RNF4: variants seen among roughly 807,000 people sequenced by gnomAD.
RNF4 encodes the protein E3 ubiquitin-protein ligase RNF4.
In RNF4, 7 loss-of-function variants were observed where a neutral mutation model predicts 24.3. The ratio of observed to expected loss-of-function variants is 0.29; its 90% CI spans 0.16 to 0.54. The LOEUF (loss-of-function observed/expected upper bound fraction) is 0.54, where lower values mean the gene tolerates loss of function less well. RNF4 is among the 20% of genes least tolerant of loss of function. RNF4 has a pLI of 0.95. For synonymous variants in RNF4, 83 were observed against 84.3 expected, an observed-to-expected ratio of 0.98 and a Z score of 0.09; for missense variants, 209 against 248.5, an observed-to-expected ratio of 0.84 and a Z score of 1.07.
intron 1 of RNF4, among the ~76,000 whole-genome samples, chr4:2,478,455 A>G (rs572933879): frequency 6.6e-6 from 1 of 152,362 alleles, no homozygotes; most frequent in East Asian, 1.9e-4. Context: ...ATAGGCCCAG[A>G]TGCCCAGGAG....
Position 2,500,709 on chromosome 4 carries a change from G to A in RNF4, c.175G>A (p.Val59Ile). Reference protein sequence around the residue: ...LTCESLEPVVVDLTHNDSVVI... With the variant: ...LTCESLEPVVIDLTHNDSVVI... ...TTGTGAATCTTTAGAGCCTGTGGTG[G>A]TTGATCTGACTCACAATGACTCTGT... The change falls in exon 4 of 8, where the codon GTT becomes ATT. Residue 59 changes from valine (V) to isoleucine (I), a missense_variant. Coordinates refer to ENST00000314289, the MANE Select transcript of RNF4 (RefSeq NM_002938.5). 1 of 1,613,900 alleles carries A rather than the reference G, an allele frequency of 6.2e-7. No individual in the cohort carries two copies. The highest frequency in any genetic ancestry group is 8.5e-7 in the Non-Finnish European group (1 of 1,179,830).
At chr4:2,475,506 T>C (rs1221853788) in intron 1 of RNF4, among the ~76,000 whole-genome samples, 1 of 151,914 alleles carries the variant, frequency 6.6e-6, no homozygotes, top group Non-Finnish European at 1.5e-5. Context: ...GCCCAGCTAA[T>C]TTTTTGTATT....
Position 2,514,947 on chromosome 4 carries a change from G to A in RNF4, c.*1128G>A, listed in dbSNP as rs577191171. Reference sequence around the variant, plus strand: ...GACTGCTCCATAGGTTTTGACTGGTGAAACAGGGGCCCAGATGACAACCTC... The same window carrying A: ...GACTGCTCCATAGGTTTTGACTGGTAAAACAGGGGCCCAGATGACAACCTC... On this transcript the variant is annotated 3_prime_UTR_variant, in exon 8 of 8. Transcript: ENST00000314289. The A allele has an allele frequency of 4.6e-5, 7 of 152,514 alleles. No individual in the cohort carries two copies. Among genetic ancestry groups the A allele is most frequent in the South Asian group, 2.1e-4 (1 of 4,828 alleles). 9.4% of individuals were successfully genotyped at this position (152,514 alleles called of 1,614,324 possible). A position where few individuals can be genotyped will look rare whatever the true frequency, so the allele number is the denominator to read the frequency against.
intron 1 of RNF4, among the ~76,000 whole-genome samples, chr4:2,488,067 C>G (rs1735464237): frequency 6.6e-6 from 1 of 152,236 alleles, no homozygotes; most frequent in Non-Finnish European, 1.5e-5. Context: ...CACCCTTCTC[C>G]CCGCCCTAGA....
chr4:2,471,461 C>A, intron 1 of RNF4, among the ~76,000 whole-genome samples: 1 of 138,632 alleles, frequency 7.2e-6, no homozygotes, highest in East Asian at 2.0e-4. Flanking sequence ...GAAATTAGGC[C>A]AGTCAGTGAC....
chr4:2,483,855 A>G (rs1429621979), intron 1 of RNF4, among the ~76,000 whole-genome samples: 6 of 151,626 alleles, frequency 4.0e-5, no homozygotes, highest in Admixed American at 2.6e-4. Flanking sequence ...TTATTTTGAG[A>G]CTGAGTTTCA....
At chr4:2,513,010 G>C (rs1475784264) in intron 6 of RNF4, 73 bp from the exon 7 acceptor site, 1 of 1,409,534 alleles carries the variant, frequency 7.1e-7, no homozygotes, top group Non-Finnish European at 1.0e-6. Context: ...GGGGATAGGG[G>C]CCACTCACGT....
chr4:2,490,523 A>T (rs1025775502), intron 2 of RNF4, 21 bp downstream of exon 2: 5 of 1,607,984 alleles, frequency 3.1e-6, no homozygotes, highest in Non-Finnish European at 4.2e-6. Context: ...TCATCTCTTG[A>T]ATTTTTAATT....
At chr4:2,478,852 G>A (rs2108751960) in intron 1 of RNF4, among the ~76,000 whole-genome samples, 1 of 152,342 alleles carries the variant, frequency 6.6e-6, no homozygotes, top group East Asian at 1.9e-4. Context: ...TGGTAGAGCT[G>A]TGGGAAGAGG....
At chr4:2,508,201 A>G (rs1008667891) in intron 4 of RNF4, among the ~76,000 whole-genome samples, 3 of 152,150 alleles carry the variant, frequency 2.0e-5, no homozygotes, top group Non-Finnish European at 4.4e-5. Flanking sequence ...TAATTAAACT[A>G]TTCAGTTCAG....
At chr4:2,488,170 G>A (rs1238474259) in intron 1 of RNF4, among the ~76,000 whole-genome samples, 7 of 152,148 alleles carry the variant, frequency 4.6e-5, no homozygotes, top group African/African-American at 1.7e-4. Flanking sequence ...CTTTCTTAAA[G>A]CTGGGTGGGA....
intron 2 of RNF4, among the ~76,000 whole-genome samples, chr4:2,496,323 CAA>C (rs1735733804): frequency 6.6e-6 from 1 of 152,172 alleles, no homozygotes; most frequent in Non-Finnish European, 1.5e-5. Context: ...AGGCTGAACA[CAA>C]AGTCAAGGAA....
chr4:2,477,036 C>T (rs1050854006), intron 1 of RNF4, among the ~76,000 whole-genome samples: 2 of 152,008 alleles, frequency 1.3e-5, no homozygotes, highest in African/African-American at 4.8e-5. Flanking sequence ...CCCGCCTCAG[C>T]CTCCCAAAGT....
intron 1 of RNF4, among the ~76,000 whole-genome samples, chr4:2,470,785 G>A (rs1162810534): frequency 6.6e-6 from 1 of 151,392 alleles, no homozygotes; most frequent in Non-Finnish European, 1.5e-5. Context: ...AGGATGGAGG[G>A]AATAAGAGAT....
At chr4:2,477,719 C>T (rs546666033) in intron 1 of RNF4, among the ~76,000 whole-genome samples, 20 of 152,316 alleles carry the variant, frequency 1.3e-4, no homozygotes, top group African/African-American at 4.3e-4. Context: ...GCCTCCCCGG[C>T]CATTTGGAAC....
chr4:2,496,573 G>T, intron 2 of RNF4, among the ~76,000 whole-genome samples: 1 of 152,238 alleles, frequency 6.6e-6, no homozygotes, highest in East Asian at 1.9e-4. Context: ...TGATTCTCCT[G>T]CCTCAGCCTC....
intron 4 of RNF4, 27 bp from the exon 5 acceptor site, chr4:2,511,929 T>G: frequency 6.3e-7 from 1 of 1,596,520 alleles, no homozygotes; most frequent in South Asian, 1.1e-5. Context: ...CTTCTTTCTC[T>G]TTTGTTTTTC....
intron 1 of RNF4, among the ~76,000 whole-genome samples, chr4:2,489,441 C>T (rs544954462): frequency 2.0e-5 from 3 of 152,264 alleles, no homozygotes; most frequent in Non-Finnish European, 2.9e-5. Flanking sequence ...AACTCCATCT[C>T]GTTATGCTAC....
intron 4 of RNF4, among the ~76,000 whole-genome samples, chr4:2,502,379 C>G (rs1242751474): frequency 6.6e-6 from 1 of 152,094 alleles, no homozygotes; most frequent in Non-Finnish European, 1.5e-5. Context: ...CTTGTGTTTT[C>G]TTTTGCTTTA....
Sources: gnomAD v4.1 joint callset for allele counts (sites outside exome capture counted in the v4.1 genomes callset) on GRCh38, gnomAD v4.1.1 for gene constraint, MANE v1.5 for transcripts, NCBI Gene and HGNC (gene_info 2026-07-23, HGNC 2026-07-21) for gene names.